TACR3: variants seen among roughly 807,000 people sequenced by gnomAD.
The protein encoded by TACR3 is neuromedin-K receptor.
Under a neutral mutation model 35.0 loss-of-function variants are expected in TACR3, and 34 were observed. That is an observed-to-expected ratio of 0.97 (90% CI 0.74 to 1.30). The LOEUF is 1.30. Among genes scored for constraint, TACR3 ranks in the 50% most tolerant of loss-of-function variants. TACR3 has a pLI of 0.00. For synonymous variants in TACR3, 233 were observed against 221.1 expected, an observed-to-expected ratio of 1.05 and a Z score of -0.48; for missense variants, 558 against 591.7, an observed-to-expected ratio of 0.94 and a Z score of 0.59.
chr4:103,686,367 C>A (rs1722239649), intron 1 of TACR3, among the ~76,000 whole-genome samples: 1 of 152,100 alleles, frequency 6.6e-6, no homozygotes, highest in Non-Finnish European at 1.5e-5. Flanking sequence ...GCTGATTGAA[C>A]AACCACTAAC....
chr4:103,715,116 ATCTT>A (rs1458087083), intron 1 of TACR3, among the ~76,000 whole-genome samples: 1 of 152,156 alleles, frequency 6.6e-6, no homozygotes, highest in Non-Finnish European at 1.5e-5. Flanking sequence ...CTTTTTTGCT[ATCTT>A]TCTTAAAGCT....
chr4:103,679,046 TG>T (rs1016350561), intron 1 of TACR3, among the ~76,000 whole-genome samples: 2 of 152,022 alleles, frequency 1.3e-5, no homozygotes, highest in Admixed American at 1.3e-4. Context: ...ATTTTCTGTA[TG>T]GTGGATTTCA....
chr4:103,656,056 A>G, intron 3 of TACR3, 138 bp downstream of exon 3: 2 of 1,108,530 alleles, frequency 1.8e-6, no homozygotes, highest in Non-Finnish European at 2.6e-6. Flanking sequence ...AAAGAAAAGA[A>G]AAAAAATTAA....
chr4:103,707,798 C>T (rs758087923), intron 1 of TACR3, among the ~76,000 whole-genome samples: 1 of 152,180 alleles, frequency 6.6e-6, no homozygotes, highest in Non-Finnish European at 1.5e-5. Context: ...GGGTCACTCC[C>T]ACCCTAATAC....
At chr4:103,682,633 G>A (rs577094549) in intron 1 of TACR3, among the ~76,000 whole-genome samples, 23 of 152,120 alleles carry the variant, frequency 1.5e-4, no homozygotes, top group Middle Eastern at 3.4e-3. Context: ...GAGCCAAACC[G>A]TATCACTGGA....
At chr4:103,692,005 C>T (rs1255420168) in intron 1 of TACR3, among the ~76,000 whole-genome samples, 1 of 152,184 alleles carries the variant, frequency 6.6e-6, no homozygotes, top group Non-Finnish European at 1.5e-5. Context: ...CCACTTCACA[C>T]CTCTATATTT....
At chr4:103,703,809 G>A (rs1722720063) in intron 1 of TACR3, among the ~76,000 whole-genome samples, 1 of 151,908 alleles carries the variant, frequency 6.6e-6, no homozygotes, top group African/African-American at 2.4e-5. Flanking sequence ...TTAAGAAATT[G>A]GTAATACATG....
chr4:103,663,783 T>C (rs565216570), intron 1 of TACR3, among the ~76,000 whole-genome samples: 3 of 152,318 alleles, frequency 2.0e-5, no homozygotes, highest in African/African-American at 7.2e-5. Context: ...TTTGTAACTT[T>C]CTTCAGCAAC....
intron 3 of TACR3, among the ~76,000 whole-genome samples, chr4:103,654,100 G>T (rs563859472): frequency 2.0e-5 from 3 of 149,558 alleles, no homozygotes; most frequent in South Asian, 4.2e-4. Context: ...CTGTTGGTGG[G>T]ACTGTAAACT....
intron 1 of TACR3, among the ~76,000 whole-genome samples, chr4:103,714,837 A>G (rs1237134753): frequency 6.6e-6 from 1 of 152,186 alleles, no homozygotes; most frequent in African/African-American, 2.4e-5. Flanking sequence ...CTGTTACTAG[A>G]TTAAGACCTC....
At chr4:103,607,293 G>A (rs1194198512) in intron 3 of TACR3, among the ~76,000 whole-genome samples, 1 of 152,042 alleles carries the variant, frequency 6.6e-6, no homozygotes, top group Non-Finnish European at 1.5e-5. Context: ...AATTAGCATA[G>A]TTTTTGAGTT....
chr4:103,611,593 T>C (rs1385988557), intron 3 of TACR3, among the ~76,000 whole-genome samples: 3 of 152,312 alleles, frequency 2.0e-5, no homozygotes, highest in East Asian at 3.9e-4. Flanking sequence ...TCTGTACATA[T>C]TGGAGGTGCC....
In TACR3 at chr4:103,719,426, G is replaced by T. The variant is rs1208727441; in HGVS notation, c.250C>A (p.Arg84Ser). 1.9e-6 allele frequency: 3 copies of T among 1,614,226 alleles called. No individual in the cohort carries two copies. Among genetic ancestry groups the T allele is most frequent in the Admixed American group, 1.7e-5 (1 of 60,030 alleles). ...LTNQFVQPSW[R>S]IALWSLAYGV... ...TACGCCAGGGACCAGAGCGCGATGC[G>T]CCAGGACGGCTGCACGAACTGGTTG... is the stretch of plus-strand genomic sequence containing the variant. The change falls in exon 1 of 5, where the codon CGC becomes AGC. Residue 84 changes from arginine (R) to serine (S), a missense_variant. Coordinates refer to ENST00000304883, the MANE Select transcript of TACR3 (RefSeq NM_001059.3).
In TACR3 at chr4:103,655,435, C is replaced by A. The variant is rs143522485; in HGVS notation, c.888+759G>T. 6.0e-4 allele frequency among the ~76,000 whole-genome samples: 92 copies of A among 152,120 alleles called. 2 individuals carry two copies. In the East Asian group the frequency reaches 0.015, roughly 25 times the overall value. ...AAACCTCTCCAAGATGCATTAGGTA[C>A]ACCCCAACTGTGGAGAAAAGGATGG... On this transcript the variant is annotated intron_variant, in intron 3 of 4. Transcript: ENST00000304883.
intron 3 of TACR3, among the ~76,000 whole-genome samples, chr4:103,620,748 G>A (rs966549954): frequency 3.3e-5 from 5 of 152,098 alleles, no homozygotes; most frequent in Non-Finnish European, 7.4e-5. Flanking sequence ...ACTACTGGAG[G>A]GTGGGGGTGG....
intron 1 of TACR3, among the ~76,000 whole-genome samples, chr4:103,709,432 A>T (rs2110229521): frequency 6.6e-6 from 1 of 152,290 alleles, no homozygotes; most frequent in Non-Finnish European, 1.5e-5. Context: ...GGAGAAATAA[A>T]ATCCTTTACA....
chr4:103,684,349 T>C (rs1335486829), intron 1 of TACR3, among the ~76,000 whole-genome samples: 2 of 152,190 alleles, frequency 1.3e-5, no homozygotes, highest in Admixed American at 6.5e-5. Flanking sequence ...ATAGACCTAA[T>C]AAATGAGTTT....
chr4:103,590,962 A>T (rs1347127343), intron 4 of TACR3, among the ~76,000 whole-genome samples: 1 of 151,994 alleles, frequency 6.6e-6, no homozygotes, highest in Admixed American at 6.6e-5. Flanking sequence ...ATGCTCTCTT[A>T]CTCACCCCAC....
rs1330796942 is a variant in TACR3 at position 103,588,888 on chromosome 4, A to C, written c.*794T>G. 6.6e-6 allele frequency: 1 copy of C among 152,138 alleles called. No homozygotes were observed. Among genetic ancestry groups the C allele is most frequent in the African/African-American group, 2.4e-5 (1 of 41,454 alleles). The allele number at this position is 152,138 out of a possible 1,614,324, so 9.4% of individuals were successfully genotyped here. A position where few individuals can be genotyped will look rare whatever the true frequency, so the allele number is the denominator to read the frequency against. On this transcript the variant is annotated 3_prime_UTR_variant, in exon 5 of 5. Transcript: ENST00000304883. ...CTGTTTTATAATCTAGCTATTTAAA[A>C]AATCTGTGAAAAATAAAAAATGATA...
Sources: gnomAD v4.1 joint callset for allele counts (sites outside exome capture counted in the v4.1 genomes callset) on GRCh38, gnomAD v4.1.1 for gene constraint, MANE v1.5 for transcripts, NCBI Gene and HGNC (gene_info 2026-07-23, HGNC 2026-07-21) for gene names.